The following PLA2R1 variants were observed in gnomAD, a reference collection of about 807,000 sequenced individuals.
PLA2R1 encodes the protein secretory phospholipase A2 receptor.
Under a neutral mutation model 195.9 loss-of-function variants are expected in PLA2R1, and 158 were observed. The observed-to-expected ratio is 0.81, with a 90% CI of 0.71 to 0.92. The LOEUF (loss-of-function observed/expected upper bound fraction) is 0.92, where lower values mean the gene tolerates loss of function less well. PLA2R1 is among the 40% of genes least tolerant of loss of function. PLA2R1 has a pLI of 0.00. For synonymous variants in PLA2R1, 586 were observed against 598.2 expected, an observed-to-expected ratio of 0.98 and a Z score of 0.30; for missense variants, 1,626 against 1,764.6, an observed-to-expected ratio of 0.92 and a Z score of 1.41.
chr2:160,023,961 G>A (rs1364957027), intron 6 of PLA2R1, among the ~76,000 whole-genome samples: 1 of 149,246 alleles, frequency 6.7e-6, no homozygotes, highest in Non-Finnish European at 1.5e-5. Flanking sequence ...GTAAGGAAAG[G>A]AAGAGCAAGG....
the PLA2R1 span, among the ~76,000 whole-genome samples, chr2:159,925,914 T>C: frequency 6.6e-6 from 1 of 152,136 alleles, no homozygotes; most frequent in Non-Finnish European, 1.5e-5. Context: ...ACTGACAAAA[T>C]GCCCGTCTCT....
chr2:159,984,020 T>C lies in PLA2R1; in HGVS notation c.2091A>G (p.Ala697=). 1 of 1,594,846 alleles carries C rather than the reference T, an allele frequency of 6.3e-7. No homozygotes were observed. The highest frequency in any genetic ancestry group is 8.6e-7 in the Non-Finnish European group (1 of 1,163,100). The change falls in exon 13 of 30, where the codon GCA becomes GCG. Residue 697 remains alanine (A), a synonymous_variant. Transcript: ENST00000283243. ...LMKRTWREAE[A]FCEEFGAHLA... Reference sequence around the variant, plus strand: ...GATGAGCTCCAAATTCTTCGCAAAATGCTTCAGCTTCTCTCCATGTTCTTT... The same window carrying C: ...GATGAGCTCCAAATTCTTCGCAAAACGCTTCAGCTTCTCTCCATGTTCTTT...
intron 17 of PLA2R1, among the ~76,000 whole-genome samples, chr2:159,971,449 C>A (rs1179996073): frequency 6.6e-6 from 1 of 152,118 alleles, no homozygotes; most frequent in Non-Finnish European, 1.5e-5. Context: ...GCACTATGTG[C>A]ATGCATGTGC....
chr2:160,023,086 G>T (rs150907486), intron 6 of PLA2R1, among the ~76,000 whole-genome samples: 1 of 152,100 alleles, frequency 6.6e-6, no homozygotes, highest in Non-Finnish European at 1.5e-5. Context: ...TCATTTTCCG[G>T]ATGAGCTAGT....
chr2:160,044,693 C>T (rs1008867694), intron 2 of PLA2R1, 81 bp downstream of exon 2: 17 of 1,220,920 alleles, frequency 1.4e-5, no homozygotes, highest in Admixed American at 1.0e-4. Context: ...ACTTCTTTCA[C>T]GTAATGCTTT....
chr2:160,003,763 G>A (rs1414602578), intron 11 of PLA2R1, among the ~76,000 whole-genome samples: 1 of 152,106 alleles, frequency 6.6e-6, no homozygotes, highest in Non-Finnish European at 1.5e-5. Context: ...TATGCACAGC[G>A]ACATCAACAT....
intron 12 of PLA2R1, among the ~76,000 whole-genome samples, 189 bp downstream of exon 12, chr2:159,986,967 T>A (rs919635750): frequency 6.6e-6 from 1 of 152,154 alleles, no homozygotes; most frequent in African/African-American, 2.4e-5. Context: ...CAATTTTTTT[T>A]ACTTAAAAAT....
In PLA2R1 at chr2:159,958,898, C is replaced by A. The variant is rs951449060; in HGVS notation, c.2905-2271G>T. On this transcript the variant is annotated intron_variant, in intron 20 of 29. Coordinates refer to ENST00000283243, the MANE Select transcript of PLA2R1 (RefSeq NM_007366.5). ...CAAATGTCAATAGTGTAAGGTAATT[C>A]TTTTTAAAACTCAGTCCTGATCATG... 2.0e-5 allele frequency among the ~76,000 whole-genome samples: 3 copies of A among 152,270 alleles called. No homozygotes were observed. The South Asian group carries it at 6.2e-4, about 32-fold the overall frequency.
chr2:160,001,146 A>G (rs1018995131), intron 11 of PLA2R1, among the ~76,000 whole-genome samples: 3 of 152,294 alleles, frequency 2.0e-5, no homozygotes, highest in Middle Eastern at 3.4e-3. Context: ...GATAACAACA[A>G]CAAAATCATG....
Position 159,945,168 on chromosome 2 carries a change from C to G in PLA2R1, c.3968-86G>C, listed in dbSNP as rs574125560. 15 of 788,122 alleles carry G rather than the reference C, an allele frequency of 1.9e-5. No homozygotes were observed. The African/African-American group carries it at 2.5e-4, about 13-fold the overall frequency. The allele number at this position is 788,122 out of a possible 1,614,324, so 48.8% of individuals were successfully genotyped here. A position where few individuals can be genotyped will look rare whatever the true frequency, so the allele number is the denominator to read the frequency against. ...TGGAATTAACCATAAAAAGCAGCCC[C>G]TGAATTTTTTTATTTTTTTATTTTT... On this transcript the variant is annotated intron_variant, in intron 27 of 29. Transcript: ENST00000283243.
intron 10 of PLA2R1, among the ~76,000 whole-genome samples, chr2:160,007,947 GAA>G (rs1692108761): frequency 6.6e-6 from 1 of 152,208 alleles, no homozygotes; most frequent in African/African-American, 2.4e-5. Flanking sequence ...ATCGTGAAAA[GAA>G]ACCAAGTTAG....
Position 159,939,561 on chromosome 2 carries a change from G to A in PLA2R1, c.*2217C>T, listed in dbSNP as rs2125911734. ...TCAAAAAAAATGCAAATATAAAAAT[G>A]TAGCAGAATACTTCAGTACTATTTC... On this transcript the variant is annotated 3_prime_UTR_variant, in exon 30 of 30. Transcript: ENST00000283243. The A allele has an allele frequency of 6.6e-6, 1 of 150,860 alleles. No individual in the cohort carries two copies. Among genetic ancestry groups the A allele is most frequent in the East Asian group, 1.9e-4 (1 of 5,134 alleles). 9.3% of individuals were successfully genotyped at this position (150,860 alleles called of 1,614,324 possible).
intron 10 of PLA2R1, among the ~76,000 whole-genome samples, chr2:160,010,274 C>T (rs990882018): frequency 1.3e-5 from 2 of 152,134 alleles, no homozygotes; most frequent in African/African-American, 4.8e-5. Context: ...GCCAATTATC[C>T]ATTATAATTT....
At chr2:159,949,349 T>G (rs1036585369) in intron 25 of PLA2R1, among the ~76,000 whole-genome samples, 1 of 152,318 alleles carries the variant, frequency 6.6e-6, no homozygotes, top group Non-Finnish European at 1.5e-5. Context: ...CCATCTGCAC[T>G]GCCATGTCCT....
At chr2:159,979,084 C>T (rs1689768455) in intron 14 of PLA2R1, among the ~76,000 whole-genome samples, 1 of 152,156 alleles carries the variant, frequency 6.6e-6, no homozygotes, top group South Asian at 2.1e-4. Flanking sequence ...CAATAAACAG[C>T]AGTTGCATTA....
At chr2:160,031,066 C>T (rs1693821631) in intron 4 of PLA2R1, among the ~76,000 whole-genome samples, 1 of 152,166 alleles carries the variant, frequency 6.6e-6, no homozygotes, top group African/African-American at 2.4e-5. Context: ...CTATGACTTA[C>T]TCAAATCAAA....
intron 13 of PLA2R1, among the ~76,000 whole-genome samples, chr2:159,980,364 T>C (rs973855487): frequency 1.3e-5 from 2 of 152,210 alleles, no homozygotes; most frequent in Admixed American, 6.5e-5. Flanking sequence ...TAAGAAACTT[T>C]GGAACATCTC....
chr2:159,978,894 T>C (rs1689755451), intron 14 of PLA2R1, among the ~76,000 whole-genome samples: 1 of 152,028 alleles, frequency 6.6e-6, no homozygotes, highest in African/African-American at 2.4e-5. Context: ...TTGCCAATCA[T>C]GAGATATTAT....
At chr2:160,004,675 T>G (rs1691852298) in intron 11 of PLA2R1, among the ~76,000 whole-genome samples, 1 of 152,300 alleles carries the variant, frequency 6.6e-6, no homozygotes, top group African/African-American at 2.4e-5. Flanking sequence ...CTGATGGAGA[T>G]ACAGGCAAGC....
Sources: allele counts gnomAD v4.1 joint callset (sites outside exome capture counted in the v4.1 genomes callset), GRCh38; gene constraint gnomAD v4.1.1; transcripts MANE v1.5; gene names NCBI Gene and HGNC (gene_info 2026-07-23, HGNC 2026-07-21).